Variants in PKD2L1 observed in about 807,000 individuals in gnomAD.
PKD2L1 encodes polycystin-2-like protein 1.
PKD2L1 carries 77 observed loss-of-function variants against 93.0 expected under a neutral mutation model. That is an observed-to-expected ratio of 0.83 (90% CI 0.69 to 1.00). The LOEUF is 1.00. PKD2L1 is among the 50% of genes least tolerant of loss of function. PKD2L1 has a pLI of 0.00. For missense variants in PKD2L1, 977 were observed against 990.9 expected (o/e 0.99, Z 0.19); for synonymous variants, 390 against 388.0 (o/e 1.01, Z -0.06).
chr10:100,319,444 G>A (rs542747552), intron 2 of PKD2L1, among the ~76,000 whole-genome samples: 11 of 151,890 alleles, frequency 7.2e-5, no homozygotes, highest in East Asian at 5.8e-4. Flanking sequence ...CACTAAAATC[G>A]TGGTTCTATA....
In PKD2L1 at chr10:100,291,124, A is replaced by G. The variant is rs1848395900; in HGVS notation, c.2007+177T>C. Among the ~76,000 whole-genome samples, 3 of 152,140 alleles carry G rather than the reference A, an allele frequency of 2.0e-5. No homozygotes were observed. The South Asian group carries it at 6.2e-4, about 31-fold the overall frequency. ...TAGAGTGTGTGTCCTGAGTATGAAGATTTTTAAAGGCCCCCCAGGGTATTC... is the reference window on the plus strand; with the variant it reads ...TAGAGTGTGTGTCCTGAGTATGAAGGTTTTTAAAGGCCCCCCAGGGTATTC... On this transcript the variant is annotated intron_variant, in intron 12 of 15. Coordinates refer to ENST00000318222, the MANE Select transcript of PKD2L1 (RefSeq NM_016112.3).
intron 2 of PKD2L1, among the ~76,000 whole-genome samples, chr10:100,314,805 G>A (rs1004597726): frequency 6.6e-6 from 1 of 151,764 alleles, no homozygotes; most frequent in Non-Finnish European, 1.5e-5. Flanking sequence ...GGCTGAGGTG[G>A]GTGGGGATCA....
chr10:100,311,734 G>A (rs1410945255), intron 2 of PKD2L1, among the ~76,000 whole-genome samples: 1 of 152,188 alleles, frequency 6.6e-6, no homozygotes, highest in African/African-American at 2.4e-5. Context: ...TCCCTGGGAA[G>A]GAATGGGATC....
intron 2 of PKD2L1, among the ~76,000 whole-genome samples, chr10:100,316,614 C>A (rs1441543944): frequency 6.6e-6 from 1 of 152,200 alleles, no homozygotes; most frequent in Non-Finnish European, 1.5e-5. Flanking sequence ...CTCTCTTTGT[C>A]TCATCTGTTC....
intron 2 of PKD2L1, among the ~76,000 whole-genome samples, chr10:100,325,406 C>T (rs1849355579): frequency 6.6e-6 from 1 of 152,144 alleles, no homozygotes; most frequent in Non-Finnish European, 1.5e-5. Context: ...TCCAAGGCTC[C>T]ATGTCGCCTG....
intron 11 of PKD2L1, among the ~76,000 whole-genome samples, chr10:100,292,229 G>C (rs912761516): frequency 6.6e-6 from 1 of 152,012 alleles, no homozygotes; most frequent in African/African-American, 2.4e-5. Context: ...TAATTACGTT[G>C]TCTCCTAATC....
At position 100,295,003 on chromosome 10, in the gene PKD2L1, G is replaced by A. The variant is rs769631763; in HGVS notation, c.1477C>T (p.Gln493Ter). The A allele has an allele frequency of 1.1e-5, 18 of 1,614,072 alleles. 1 individual carries two copies. Among genetic ancestry groups the A allele is most frequent in the South Asian group, 4.4e-5 (4 of 91,094 alleles). ...MFFIVFFAYA[Q>*]LGYLLFGTQV... Reference sequence around the variant, plus strand: ...GTCCCGAAAAGCAGGTAGCCGAGTTGGGCATAGGCGAAGAAAACAATGAAG... The same window carrying A: ...GTCCCGAAAAGCAGGTAGCCGAGTTAGGCATAGGCGAAGAAAACAATGAAG... The change falls in exon 8 of 16, where the codon CAA (glutamine) becomes TAA (stop). Residue 493 changes from glutamine (Q) to a stop codon, truncating the protein, a stop_gained. Transcript: ENST00000318222. LOFTEE classifies it high-confidence loss of function.
In PKD2L1 at chr10:100,293,058, C is replaced by G. The variant is rs1564880096; in HGVS notation, c.1770G>C (p.Lys590Asn). The part of the protein sequence containing the change: ...LSDLLKQGYN[K>N]TLLRLRLRKE... Reference sequence around the variant, plus strand: ...TCCTCAGACGCAGTCTTAGTAGGGTCTTGTTGTAGCCCTGAAAGGGAAAGG... The same window carrying G: ...TCCTCAGACGCAGTCTTAGTAGGGTGTTGTTGTAGCCCTGAAAGGGAAAGG... Residue 590 changes from lysine (K) to asparagine (N), a missense_variant, in exon 11 of 16, where the codon AAG (lysine) becomes AAC (asparagine). Physicochemically the swap from Lys to Asn is moderately conservative, Grantham distance 94. Transcript: ENST00000318222. 1.9e-6 allele frequency: 3 copies of G among 1,613,972 alleles called. No individual in the cohort carries two copies. The highest frequency in any genetic ancestry group is 3.3e-5 in the Admixed American group (2 of 59,978).
rs776404604 is a variant in PKD2L1 at position 100,290,453 on chromosome 10, C to A, written c.2074G>T (p.Gly692Cys). ...SIVSSPQGKS[G>C]PEAARAGGWV... is the part of the protein sequence containing the mutation. ...CCTCCTGCTCTGGCAGCCTCTGGACCCGATTTGCCTTGTGGGCTGCTCACA... is the reference window on the plus strand; with the variant it reads ...CCTCCTGCTCTGGCAGCCTCTGGACACGATTTGCCTTGTGGGCTGCTCACA... Residue 692 changes from glycine to cysteine, a missense_variant, in exon 13 of 16, where the codon GGT (glycine) becomes TGT (cysteine). By Grantham distance (159) the Gly-to-Cys change is radical. Transcript: ENST00000318222. 6.2e-7 allele frequency: 1 copy of A among 1,613,756 alleles called. No homozygotes were observed. Among genetic ancestry groups the A allele is most frequent in the Admixed American group, 1.7e-5 (1 of 60,022 alleles).
intron 2 of PKD2L1, among the ~76,000 whole-genome samples, chr10:100,310,138 A>T (rs1214504743): frequency 6.6e-6 from 1 of 152,118 alleles, no homozygotes; most frequent in African/African-American, 2.4e-5. Flanking sequence ...GTTCAAGACC[A>T]CCCTGGGCAA....
At chr10:100,291,221 T>G in intron 12 of PKD2L1, 80 bp downstream of exon 12, 1 of 1,452,206 alleles carries the variant, frequency 6.9e-7, no homozygotes, top group Non-Finnish European at 9.4e-7. Flanking sequence ...TTCAGGTGGG[T>G]TTGTGTTCTA....
rs1368974992 is a variant in PKD2L1, at chr10:100,292,983, CT to C, written c.1844del (p.Glu615GlyfsTer11). Reference sequence around the variant, plus strand: ...TGTTGGTGAAATCCTCAAACTGGATCTCCTGCTCCCCACCCTGCAGGACCTT... The same window carrying C: ...TGTTGGTGAAATCCTCAAACTGGATCCCTGCTCCCCACCCTGCAGGACCTT... ...VQKVLQGGEQEIQFEDFTNTL... is the reference protein window; with the variant it reads ...VQKVLQGGEQXIQFEDFTNTL... On this transcript the variant is annotated frameshift_variant, in exon 11 of 16. Coordinates refer to ENST00000318222, the MANE Select transcript of PKD2L1 (RefSeq NM_016112.3). LOFTEE classifies it high-confidence loss of function. The C allele has an allele frequency of 6.2e-7, 1 of 1,614,024 alleles. No homozygotes were observed. Among genetic ancestry groups the C allele is most frequent in the Non-Finnish European group, 8.5e-7 (1 of 1,179,998 alleles).
rs1340577234 is a variant in PKD2L1 at position 100,306,396 on chromosome 10, G to A, written c.350-6678C>T. On this transcript the variant is annotated intron_variant, in intron 2 of 15. Coordinates refer to ENST00000318222, the MANE Select transcript of PKD2L1 (RefSeq NM_016112.3). ...AGAAAGAGAAAAAAGCTTCCAGAGGGCTCTCAGAACTTCCCAGGGATCTCA... is the reference window on the plus strand; with the variant it reads ...AGAAAGAGAAAAAAGCTTCCAGAGGACTCTCAGAACTTCCCAGGGATCTCA... Among the ~76,000 whole-genome samples the A allele has an allele frequency of 3.3e-5, 5 of 152,044 alleles. No homozygotes were observed. The East Asian group carries it at 9.7e-4, about 29-fold the overall frequency.
intron 11 of PKD2L1, 49 bp from the exon 12 acceptor site, chr10:100,291,476 T>C: frequency 6.2e-7 from 1 of 1,600,950 alleles, no homozygotes; most frequent in Non-Finnish European, 8.5e-7. Flanking sequence ...GGCTGTGACC[T>C]CTCAGTTATG....
chr10:100,307,066 G>T (rs981421871), intron 2 of PKD2L1, among the ~76,000 whole-genome samples: 9 of 152,012 alleles, frequency 5.9e-5, no homozygotes, highest in African/African-American at 2.2e-4. Context: ...TCTGACAGAG[G>T]CTCAACATAT....
chr10:100,293,466 G>T (rs984161713), intron 9 of PKD2L1, 87 bp from the exon 10 acceptor site: 1 of 854,472 alleles, frequency 1.2e-6, no homozygotes. Flanking sequence ...TCCAAGACAC[G>T]TGTTCCAAAG....
chr10:100,298,187 T>A (rs1309741309), intron 4 of PKD2L1, among the ~76,000 whole-genome samples: 1 of 152,228 alleles, frequency 6.6e-6, no homozygotes. Flanking sequence ...GACCCCTTGC[T>A]GCTCCACGTA....
At chr10:100,311,316 T>C (rs1848927969) in intron 2 of PKD2L1, among the ~76,000 whole-genome samples, 1 of 152,220 alleles carries the variant, frequency 6.6e-6, no homozygotes, top group Non-Finnish European at 1.5e-5. Context: ...TTTTGCTAGG[T>C]CGTTCTTAAT....
intron 2 of PKD2L1, among the ~76,000 whole-genome samples, chr10:100,324,727 A>G (rs1314382505): frequency 6.6e-6 from 1 of 152,226 alleles, no homozygotes; most frequent in African/African-American, 2.4e-5. Context: ...GTTCAAGGTC[A>G]CAAAGCCAGG....
Sources: gnomAD v4.1 joint callset for allele counts (sites outside exome capture counted in the v4.1 genomes callset) on GRCh38, gnomAD v4.1.1 for gene constraint, MANE v1.5 for transcripts, NCBI Gene and HGNC (gene_info 2026-07-23, HGNC 2026-07-21) for gene names.